The following SBF2 variants were observed in gnomAD, a reference collection of about 807,000 sequenced individuals.
The protein encoded by SBF2 is myotubularin-related protein 13.
Under a neutral mutation model 225.2 loss-of-function variants are expected in SBF2, and 112 were observed. That is an observed-to-expected ratio of 0.50 (90% CI 0.43 to 0.58). The LOEUF is 0.58. Among genes scored for constraint, SBF2 ranks in the 20% least tolerant of loss-of-function variants. The probability of loss-of-function intolerance (pLI) is 0.00; values close to 1 mark genes in which losing one functional copy is unlikely to be tolerated. For synonymous variants in SBF2, 763 were observed against 773.3 expected, an observed-to-expected ratio of 0.99 and a Z score of 0.22; for missense variants, 1,996 against 2,206.2, an observed-to-expected ratio of 0.90 and a Z score of 1.91.
Position 9,874,538 on chromosome 11 carries a change from A to G in SBF2, c.1930-16142T>C, listed in dbSNP as rs181599816. Among the ~76,000 whole-genome samples, 6 of 152,340 alleles carry G rather than the reference A, an allele frequency of 3.9e-5. No individual in the cohort carries two copies. The East Asian group carries it at 1.2e-3, about 29-fold the overall frequency. ...TTAAGACTCTTGTCAATGACCAAAT[A>G]AAGACTCAAATTGTAGGATGCCTCC... On this transcript the variant is annotated intron_variant, in intron 17 of 39. Transcript: ENST00000256190.
chr11:10,140,378 C>T (rs1339587404), intron 2 of SBF2, among the ~76,000 whole-genome samples: 1 of 152,086 alleles, frequency 6.6e-6, no homozygotes, highest in African/African-American at 2.4e-5. Flanking sequence ...CACTATTGGC[C>T]AATGATTTTA....
At chr11:9,785,905 C>T (rs919805382) in intron 36 of SBF2, among the ~76,000 whole-genome samples, 2 of 151,996 alleles carry the variant, frequency 1.3e-5, no homozygotes, top group Non-Finnish European at 2.9e-5. Flanking sequence ...CTCACTCTAT[C>T]GCCCAGGCTG....
intron 2 of SBF2, among the ~76,000 whole-genome samples, chr11:10,192,411 T>C (rs1254423985): frequency 6.6e-6 from 1 of 152,190 alleles, no homozygotes; most frequent in Non-Finnish European, 1.5e-5. Context: ...AGTTATTAGC[T>C]ACGACGAGAA....
intron 16 of SBF2, chr11:9,958,354 TTTC>T (rs886166748): frequency 6.6e-6 from 1 of 150,590 alleles, no homozygotes; most frequent in Non-Finnish European, 1.5e-5. Context: ...TATTCCATCC[TTTC>T]TTTTTTTTTT....
chr11:9,862,137 G>A (rs1260224219), intron 17 of SBF2, among the ~76,000 whole-genome samples: 1 of 152,204 alleles, frequency 6.6e-6, no homozygotes, highest in Admixed American at 6.5e-5. Flanking sequence ...CTCCTGATAT[G>A]TGCGTTAGAA....
intron 1 of SBF2, among the ~76,000 whole-genome samples, chr11:10,219,166 G>A (rs951892481): frequency 3.3e-5 from 5 of 152,180 alleles, no homozygotes; most frequent in African/African-American, 4.8e-5. Flanking sequence ...ACTTCTGCCT[G>A]GACATTCAGG....
chr11:10,198,094 T>C (rs1957441884), intron 1 of SBF2, among the ~76,000 whole-genome samples: 2 of 152,226 alleles, frequency 1.3e-5, no homozygotes, highest in Admixed American at 1.3e-4. Context: ...AATTATGAAG[T>C]TATAATGGCA....
In SBF2 at chr11:10,031,033, C is replaced by T. The variant is rs780717348; in HGVS notation, c.402+15G>A. ...CAATAATACAAATTAATAATGATAACTATGTGTTCTTTACCCTAAAAATTT... is the reference window on the plus strand; with the variant it reads ...CAATAATACAAATTAATAATGATAATTATGTGTTCTTTACCCTAAAAATTT... On this transcript the variant is annotated intron_variant, in intron 4 of 39. Transcript: ENST00000256190. The T allele has an allele frequency of 1.2e-5, 19 of 1,603,760 alleles. No individual in the cohort carries two copies. Among genetic ancestry groups the T allele is most frequent in the Admixed American group, 3.3e-5 (2 of 59,968 alleles).
intron 2 of SBF2, among the ~76,000 whole-genome samples, chr11:10,086,621 C>G (rs559787643): frequency 6.6e-6 from 1 of 152,142 alleles, no homozygotes; most frequent in Non-Finnish European, 1.5e-5. Flanking sequence ...TGAATCTGGG[C>G]ACTTTTGTAT....
At chr11:10,224,182 T>C (rs2135414240) in intron 1 of SBF2, among the ~76,000 whole-genome samples, 1 of 152,296 alleles carries the variant, frequency 6.6e-6, no homozygotes, top group East Asian at 1.9e-4. Flanking sequence ...CTGCAAGTTT[T>C]TTCAAATTGT....
Position 10,000,773 on chromosome 11 carries a change from G to T in SBF2, c.861+141C>A, listed in dbSNP as rs112152295. 4.8e-4 allele frequency: 292 copies of T among 606,726 alleles called. 3 individuals are homozygous for T. The African/African-American group carries it at 4.8e-3, about 10-fold the overall frequency. The allele number at this position is 606,726 out of a possible 1,614,324, so 37.6% of individuals were successfully genotyped here. ...AAAATTAATATACAGACTTTTCAAT[G>T]ATATTTTTCTTCTATCCAATCTTTT... On this transcript the variant is annotated intron_variant, in intron 8 of 39. Transcript: ENST00000256190.
Position 10,270,724 on chromosome 11 carries a change from T to G in SBF2, c.55+23291A>C, listed in dbSNP as rs534941444. On this transcript the variant is annotated intron_variant, in intron 1 of 39. Transcript: ENST00000256190. Reference sequence around the variant, plus strand: ...AGAAGTAAAATGAGGACGGGCGCGGTGGCTCACGCCTGTAATCCCAGCACT... The same window carrying G: ...AGAAGTAAAATGAGGACGGGCGCGGGGGCTCACGCCTGTAATCCCAGCACT... 2.1e-4 allele frequency among the ~76,000 whole-genome samples: 32 copies of G among 152,230 alleles called. No homozygotes were observed. The East Asian group carries it at 5.8e-3, about 28-fold the overall frequency.
At chr11:10,067,539 A>AAAAAAC (rs763911240) in intron 2 of SBF2, among the ~76,000 whole-genome samples, 47 of 152,164 alleles carry the variant, frequency 3.1e-4, no homozygotes, top group African/African-American at 1.1e-3. Context: ...ACATTAACCA[A>AAAAAAC]AAAAACAAAA....
At chr11:10,175,067 G>A (rs1407179065) in intron 2 of SBF2, among the ~76,000 whole-genome samples, 1 of 151,900 alleles carries the variant, frequency 6.6e-6, no homozygotes. Context: ...ATGCCAAAAT[G>A]TAAAGACCAT....
chr11:9,946,613 G>C (rs1021713394), intron 16 of SBF2, among the ~76,000 whole-genome samples: 2 of 151,898 alleles, frequency 1.3e-5, no homozygotes, highest in Non-Finnish European at 2.9e-5. Context: ...ACCATGCCTG[G>C]CTAATTTTGT....
intron 35 of SBF2, among the ~76,000 whole-genome samples, chr11:9,788,593 T>C (rs2133856784): frequency 7.1e-6 from 1 of 141,260 alleles, no homozygotes; most frequent in South Asian, 2.3e-4. Flanking sequence ...AAATCACTTT[T>C]TTTTTTTTTT....
At position 9,888,008 on chromosome 11, in the gene SBF2, C is replaced by T. The variant is rs1407187348; in HGVS notation, c.1929+7935G>A. Among the ~76,000 whole-genome samples, 2 of 152,056 alleles carry T rather than the reference C, an allele frequency of 1.3e-5. 1 individual carries two copies. Among genetic ancestry groups the T allele is most frequent in the South Asian group, 4.2e-4 (2 of 4,816 alleles). Reference sequence around the variant, plus strand: ...TATTTCTATAAGATTTTTCTTCTAGCCACAATCTCAATACTATGAAAGTCG... The same window carrying T: ...TATTTCTATAAGATTTTTCTTCTAGTCACAATCTCAATACTATGAAAGTCG... On this transcript the variant is annotated intron_variant, in intron 17 of 39. Coordinates refer to ENST00000256190, the MANE Select transcript of SBF2 (RefSeq NM_030962.4).
intron 6 of SBF2, among the ~76,000 whole-genome samples, chr11:10,012,396 C>T (rs542262406): frequency 7.9e-5 from 12 of 152,322 alleles, no homozygotes; most frequent in African/African-American, 2.9e-4. Context: ...CCTGCCTCAG[C>T]CTCCCAAAGT....
intron 2 of SBF2, among the ~76,000 whole-genome samples, chr11:10,187,152 C>T (rs1161143853): frequency 1.3e-5 from 2 of 152,170 alleles, no homozygotes; most frequent in Non-Finnish European, 2.9e-5. Flanking sequence ...CTAACTTTTA[C>T]TATCCTCCAT....
Sources: gnomAD v4.1 joint callset for allele counts (sites outside exome capture counted in the v4.1 genomes callset) on GRCh38, gnomAD v4.1.1 for gene constraint, MANE v1.5 for transcripts, NCBI Gene and HGNC (gene_info 2026-07-23, HGNC 2026-07-21) for gene names.